Variants in SCAMP1 observed in about 807,000 individuals in gnomAD.
SCAMP1 encodes secretory carrier membrane protein 1, also known as secretory carrier-associated membrane protein 1.
SCAMP1 carries 15 observed loss-of-function variants against 41.8 expected under a neutral mutation model. The ratio of observed to expected loss-of-function variants is 0.36; its 90% confidence interval spans 0.24 to 0.55. SCAMP1 has a LOEUF of 0.55. SCAMP1 is among the 20% of genes least tolerant of loss of function. SCAMP1 has a pLI of 0.86. For missense variants in SCAMP1, 341 were observed against 412.6 expected (o/e 0.83, Z 1.50); for synonymous variants, 135 against 136.8 (o/e 0.99, Z 0.09).
intron 7 of SCAMP1, among the ~76,000 whole-genome samples, chr5:78,457,559 C>T (rs1157088137): frequency 3.3e-5 from 5 of 152,298 alleles, no homozygotes; most frequent in African/African-American, 7.2e-5. Flanking sequence ...TCTCCAGCTG[C>T]GTGCTGGGAG....
chr5:78,378,419 G>A (rs1276313346), intron 1 of SCAMP1, among the ~76,000 whole-genome samples: 1 of 152,168 alleles, frequency 6.6e-6, no homozygotes. Context: ...GGTTATGTGT[G>A]GCAGTGATTA....
At chr5:78,456,013 CT>C (rs1456199763) in intron 7 of SCAMP1, among the ~76,000 whole-genome samples, 1 of 61,646 alleles carries the variant, frequency 1.6e-5, no homozygotes, top group Non-Finnish European at 3.2e-5. Context: ...CAACCCCTGC[CT>C]TTTTTTGTTT....
At chr5:78,365,075 G>A (rs1750759866) in intron 1 of SCAMP1, among the ~76,000 whole-genome samples, 1 of 152,136 alleles carries the variant, frequency 6.6e-6, no homozygotes, top group South Asian at 2.1e-4. Flanking sequence ...TTCTCTATAG[G>A]ATTGTAAATA....
At chr5:78,365,819 C>T (rs1750781416) in intron 1 of SCAMP1, among the ~76,000 whole-genome samples, 1 of 152,152 alleles carries the variant, frequency 6.6e-6, no homozygotes, top group Non-Finnish European at 1.5e-5. Context: ...TAAAATTCAG[C>T]ATTCTCACTT....
intron 1 of SCAMP1, among the ~76,000 whole-genome samples, chr5:78,387,428 T>G (rs1190563254): frequency 6.6e-6 from 1 of 151,952 alleles, no homozygotes; most frequent in Non-Finnish European, 1.5e-5. Flanking sequence ...CTTGATCGGC[T>G]TAAAAGTTGA....
At chr5:78,405,183 G>A (rs1030643163) in intron 2 of SCAMP1, among the ~76,000 whole-genome samples, 5 of 152,250 alleles carry the variant, frequency 3.3e-5, no homozygotes, top group Admixed American at 6.5e-5. Context: ...GGGTGGAGTG[G>A]TAAATTCTAA....
chr5:78,415,483 CTG>C (rs1308511484), intron 2 of SCAMP1, 35 bp from the exon 3 acceptor site: 9 of 1,268,628 alleles, frequency 7.1e-6, no homozygotes, highest in African/African-American at 3.0e-5. Flanking sequence ...AGTTGGATCT[CTG>C]TGTTACATAA....
At chr5:78,438,894 G>C (rs1205776724) in intron 6 of SCAMP1, among the ~76,000 whole-genome samples, 2 of 152,200 alleles carry the variant, frequency 1.3e-5, no homozygotes, top group Non-Finnish European at 2.9e-5. Context: ...GAATCTGGGT[G>C]CTCCTGGATT....
chr5:78,428,505 C>G (rs1342568581), intron 6 of SCAMP1, among the ~76,000 whole-genome samples: 2 of 152,038 alleles, frequency 1.3e-5, no homozygotes, highest in Non-Finnish European at 2.9e-5. Context: ...TACCAATATG[C>G]CTTTCTTGAC....
At chr5:78,425,301 T>G (rs1752442001) in intron 6 of SCAMP1, among the ~76,000 whole-genome samples, 1 of 152,204 alleles carries the variant, frequency 6.6e-6, no homozygotes. Context: ...ATGAGTCATC[T>G]ATGAACTGTG....
chr5:78,460,777 CTT>C (rs1753571198), intron 8 of SCAMP1, among the ~76,000 whole-genome samples: 1 of 41,152 alleles, frequency 2.4e-5, no homozygotes, highest in African/African-American at 1.7e-4. Context: ...TCCTTCCTTC[CTT>C]CCTTCCTTCC....
rs893216937 is a variant in SCAMP1, at chr5:78,443,886, A to G, written c.633-6047A>G. 1.6e-4 allele frequency among the ~76,000 whole-genome samples: 24 copies of G among 151,890 alleles called. No homozygotes were observed. In the East Asian group the frequency reaches 4.6e-3, roughly 29 times the overall value. The stretch of plus-strand genomic sequence containing the variant: ...GCCCCACGCTGGTCTTGAACTCCTG[A>G]GCTCAAGCGAACCTCCCACCTTGGC... On this transcript the variant is annotated intron_variant, in intron 6 of 8. Transcript: ENST00000621999.
intron 1 of SCAMP1, among the ~76,000 whole-genome samples, chr5:78,384,063 G>A (rs1195680285): frequency 1.3e-5 from 2 of 152,070 alleles, no homozygotes; most frequent in Non-Finnish European, 2.9e-5. Flanking sequence ...CCATCCATGA[G>A]CATGGGATGT....
chr5:78,461,600 C>T (rs371025224), intron 8 of SCAMP1, among the ~76,000 whole-genome samples: 15 of 152,236 alleles, frequency 9.9e-5, no homozygotes, highest in African/African-American at 3.6e-4. Context: ...CTTGCTCTGA[C>T]GCCCAGGCTG....
Position 78,460,793 on chromosome 5 carries a change from C to T in SCAMP1, c.852+1431C>T, listed in dbSNP as rs868058745. Among the ~76,000 whole-genome samples, 281 of 47,086 alleles carry T rather than the reference C, an allele frequency of 6.0e-3. 10 individuals are homozygous for T. Among genetic ancestry groups the T allele is most frequent in the African/African-American group, 0.023 (191 of 8,160 alleles). 30.9% of individuals were successfully genotyped at this position (47,086 alleles called of 152,430 possible). On this transcript the variant is annotated intron_variant, in intron 8 of 8. Coordinates refer to ENST00000621999, the MANE Select transcript of SCAMP1 (RefSeq NM_004866.6). ...CCTTCCTTCCTTCCTTCCTTCCTTC[C>T]TTCCTTCCTTCCTCCCTTCCTTCCT...
chr5:78,448,063 TC>T (rs1317333551), intron 6 of SCAMP1, among the ~76,000 whole-genome samples: 1 of 1,592 alleles, frequency 6.3e-4, no homozygotes, highest in African/African-American at 3.8e-3. Flanking sequence ...CCTCTCCCCC[TC>T]CCCCTCCCTC....
At chr5:78,393,467 T>C (rs1164919516) in intron 2 of SCAMP1, among the ~76,000 whole-genome samples, 1 of 152,212 alleles carries the variant, frequency 6.6e-6, no homozygotes, top group Non-Finnish European at 1.5e-5. Context: ...CTACAGTGCT[T>C]GGCCTGCATA....
chr5:78,431,228 G>C (rs1190486290), intron 6 of SCAMP1, among the ~76,000 whole-genome samples: 1 of 150,948 alleles, frequency 6.6e-6, no homozygotes, highest in Admixed American at 6.6e-5. Flanking sequence ...GCCTGCTCTT[G>C]TTGGGTAAAA....
intron 1 of SCAMP1, among the ~76,000 whole-genome samples, chr5:78,378,578 C>A (rs1397312751): frequency 6.6e-6 from 1 of 152,152 alleles, no homozygotes; most frequent in Non-Finnish European, 1.5e-5. Flanking sequence ...TTTGGAAAAA[C>A]ATTTGTTTTC....
Sources: gnomAD v4.1 joint callset for allele counts (sites outside exome capture counted in the v4.1 genomes callset) on GRCh38, gnomAD v4.1.1 for gene constraint, MANE v1.5 for transcripts, NCBI Gene and HGNC (gene_info 2026-07-23, HGNC 2026-07-21) for gene names.